SLC35F1: variants seen among roughly 807,000 people sequenced by gnomAD.
The protein encoded by SLC35F1 is solute carrier family 35 member F1.
A neutral mutation model predicts 48.7 loss-of-function variants in SLC35F1; 14 were observed. The ratio of observed to expected loss-of-function variants is 0.29; its 90% CI spans 0.19 to 0.45. SLC35F1 has a LOEUF of 0.45. Ranked by LOEUF, SLC35F1 falls within the 20% of genes least tolerant of loss-of-function variation. SLC35F1 has a pLI of 1.00. For missense variants in SLC35F1, 404 were observed against 500.0 expected, an observed-to-expected ratio of 0.81 and a Z score of 1.83; for synonymous variants, 190 against 202.2, an observed-to-expected ratio of 0.94 and a Z score of 0.51.
At chr6:118,313,410 T>C (rs1776393493) in intron 7 of SLC35F1, among the ~76,000 whole-genome samples, 1 of 152,254 alleles carries the variant, frequency 6.6e-6, no homozygotes, top group Non-Finnish European at 1.5e-5. Context: ...ATGTTGTATA[T>C]ACAGTCCTGC....
At chr6:118,131,794 T>TATTA (rs1773716116) in intron 1 of SLC35F1, among the ~76,000 whole-genome samples, 1 of 151,428 alleles carries the variant, frequency 6.6e-6, no homozygotes, top group African/African-American at 2.4e-5. Context: ...TATTATATTA[T>TATTA]TTGCACACAT....
chr6:117,958,004 CTA>C (rs1776448796), intron 1 of SLC35F1, among the ~76,000 whole-genome samples: 1 of 152,140 alleles, frequency 6.6e-6, no homozygotes, highest in African/African-American at 2.4e-5. Flanking sequence ...GATGACAGCT[CTA>C]TGAGTGTTAT....
chr6:118,106,588 T>C (rs13208187), intron 1 of SLC35F1, among the ~76,000 whole-genome samples: 1 of 152,228 alleles, frequency 6.6e-6, no homozygotes. Flanking sequence ...GTCTTACTGG[T>C]TTAATTTTGT....
chr6:118,181,904 G>A (rs1232127337), intron 2 of SLC35F1, among the ~76,000 whole-genome samples: 1 of 152,054 alleles, frequency 6.6e-6, no homozygotes, highest in Admixed American at 6.6e-5. Flanking sequence ...AAAATACCTA[G>A]TAATATTGAT....
intron 2 of SLC35F1, among the ~76,000 whole-genome samples, chr6:118,185,842 T>C (rs1049582017): frequency 1.3e-5 from 2 of 152,134 alleles, no homozygotes; most frequent in African/African-American, 4.8e-5. Flanking sequence ...GTTTTTTTGT[T>C]GATTACAACA....
chr6:118,304,589 T>C (rs1212227312), intron 7 of SLC35F1, among the ~76,000 whole-genome samples: 2 of 152,184 alleles, frequency 1.3e-5, no homozygotes, highest in African/African-American at 2.4e-5. Flanking sequence ...TGGTGAACTT[T>C]TCAGAAAGGC....
At chr6:118,180,028 G>C (rs1562316892) in intron 2 of SLC35F1, among the ~76,000 whole-genome samples, 1 of 152,058 alleles carries the variant, frequency 6.6e-6, no homozygotes, top group Non-Finnish European at 1.5e-5. Flanking sequence ...AAGGAAATAG[G>C]GAAATGTGCC....
intron 2 of SLC35F1, among the ~76,000 whole-genome samples, chr6:118,211,054 G>A (rs1349978701): frequency 6.6e-6 from 1 of 152,132 alleles, no homozygotes; most frequent in Non-Finnish European, 1.5e-5. Context: ...GAACACGAAG[G>A]AAAATACTAT....
chr6:118,000,982 C>T (rs1436821234), intron 1 of SLC35F1, among the ~76,000 whole-genome samples: 2 of 151,974 alleles, frequency 1.3e-5, no homozygotes, highest in East Asian at 3.9e-4. Flanking sequence ...ATTCCATGCT[C>T]ATCGGTAGGA....
At chr6:118,151,598 C>G (rs1400838237) in intron 1 of SLC35F1, among the ~76,000 whole-genome samples, 3 of 152,168 alleles carry the variant, frequency 2.0e-5, no homozygotes, top group African/African-American at 7.2e-5. Flanking sequence ...CACTTGCAGC[C>G]TTGACCTCCC....
At chr6:117,932,808 T>C (rs1457854360) in intron 1 of SLC35F1, among the ~76,000 whole-genome samples, 2 of 152,136 alleles carry the variant, frequency 1.3e-5, no homozygotes, top group Admixed American at 6.5e-5. Flanking sequence ...AGGAAGCTCC[T>C]CTGACCCAAG....
intron 1 of SLC35F1, among the ~76,000 whole-genome samples, chr6:118,108,856 C>T (rs1037956803): frequency 3.9e-5 from 6 of 152,048 alleles, no homozygotes; most frequent in African/African-American, 1.4e-4. Flanking sequence ...TATTTTCTCA[C>T]ACTGGGAAAA....
intron 1 of SLC35F1, among the ~76,000 whole-genome samples, chr6:118,026,859 G>A (rs1032078890): frequency 6.6e-6 from 1 of 152,100 alleles, no homozygotes; most frequent in Non-Finnish European, 1.5e-5. Context: ...CCCCTTTTAG[G>A]TGTAAAGTTC....
At chr6:117,982,239 C>T (rs2114851030) in intron 1 of SLC35F1, among the ~76,000 whole-genome samples, 1 of 152,186 alleles carries the variant, frequency 6.6e-6, no homozygotes, top group East Asian at 1.9e-4. Context: ...TTGACTCTAA[C>T]TTTACTGGGT....
intron 1 of SLC35F1, among the ~76,000 whole-genome samples, chr6:118,145,017 T>G (rs1773950962): frequency 6.6e-6 from 1 of 152,192 alleles, no homozygotes; most frequent in South Asian, 2.1e-4. Context: ...ATTCAATGGT[T>G]TTTAGTATAT....
intron 1 of SLC35F1, among the ~76,000 whole-genome samples, chr6:117,984,878 T>C (rs1205905451): frequency 6.6e-6 from 1 of 152,196 alleles, no homozygotes; most frequent in African/African-American, 2.4e-5. Flanking sequence ...AACTCACACA[T>C]GTCTGATGTG....
chr6:118,043,319 C>G (rs1031449547), intron 1 of SLC35F1, among the ~76,000 whole-genome samples: 2 of 147,158 alleles, frequency 1.4e-5, no homozygotes, highest in Non-Finnish European at 3.0e-5. Context: ...AAGTGCCAGC[C>G]TGGTTTTCTT....
At chr6:118,276,226 C>G (rs1411073154) in intron 5 of SLC35F1, among the ~76,000 whole-genome samples, 2 of 152,128 alleles carry the variant, frequency 1.3e-5, no homozygotes, top group South Asian at 4.1e-4. Flanking sequence ...TGACTATTGC[C>G]TCAGAATTTG....
At chr6:118,217,393 A>G (rs1167043343) in intron 2 of SLC35F1, among the ~76,000 whole-genome samples, 2 of 152,222 alleles carry the variant, frequency 1.3e-5, no homozygotes, top group African/African-American at 2.4e-5. Flanking sequence ...GACAAATAAT[A>G]TATGATTCCA....
Sources: gnomAD v4.1 joint callset for allele counts (sites outside exome capture counted in the v4.1 genomes callset) on GRCh38, gnomAD v4.1.1 for gene constraint, MANE v1.5 for transcripts, NCBI Gene and HGNC (gene_info 2026-07-23, HGNC 2026-07-21) for gene names.